The following ANK2 variants were observed in gnomAD, a reference collection of about 807,000 sequenced individuals.
ANK2 encodes ankyrin 2.
In ANK2, 83 loss-of-function variants were observed where a neutral mutation model predicts 360.5. The observed-to-expected ratio is 0.23, with a 90% CI of 0.19 to 0.28. ANK2 has a LOEUF of 0.28. ANK2 is among the 10% of genes least tolerant of loss of function. The pLI, the probability that ANK2 is intolerant of heterozygous loss-of-function variation, is 1.00. For missense variants in ANK2, 4,201 were observed against 4,795.7 expected, an observed-to-expected ratio of 0.88 and a Z score of 3.66; for synonymous variants, 1,740 against 1,759.5, an observed-to-expected ratio of 0.99 and a Z score of 0.28.
intron 1 of ANK2, chr4:112,880,888 G>C (rs538918215): frequency 6.6e-6 from 1 of 152,198 alleles, no homozygotes; most frequent in Admixed American, 6.5e-5. Flanking sequence ...GGATAATAGA[G>C]TCTCTTCCTA....
intron 2 of ANK2, among the ~76,000 whole-genome samples, chr4:113,043,814 A>G (rs2063569189): frequency 6.6e-6 from 1 of 152,200 alleles, no homozygotes; most frequent in Admixed American, 6.5e-5. Context: ...CAACAAAAGG[A>G]CACAAAGGAT....
chr4:113,155,751 G>A (rs1583268041), intron 1 of ANK2, among the ~76,000 whole-genome samples: 1 of 152,020 alleles, frequency 6.6e-6, no homozygotes, highest in Admixed American at 6.6e-5. Context: ...ATGACAAAAT[G>A]TTATCCTTCT....
chr4:113,092,062 A>C (rs188656443), intron 1 of ANK2, among the ~76,000 whole-genome samples: 152 of 152,002 alleles, frequency 1.0e-3, no homozygotes, highest in South Asian at 8.3e-4. Flanking sequence ...TTTCCTTATA[A>C]AACAAAATCA....
chr4:113,354,886 C>T lies in ANK2; in HGVS notation c.6268C>T (p.His2090Tyr). 1 of 1,614,028 alleles carries T rather than the reference C, an allele frequency of 6.2e-7. No individual in the cohort carries two copies. Among genetic ancestry groups the T allele is most frequent in the Non-Finnish European group, 8.5e-7 (1 of 1,179,978 alleles). ...TGGAGGAAAGGAGAAAGTTCTCAGC[C>T]ACAAAATACCTGAACCTGTTCAGTC... Reference protein sequence around the residue: ...AAGGKEKVLSHKIPEPVQSVP... With the variant: ...AAGGKEKVLSYKIPEPVQSVP... The change falls in exon 38 of 46, where the codon CAC (histidine) becomes TAC (tyrosine). Residue 2090 changes from histidine (H) to tyrosine (Y), a missense_variant. By Grantham distance (83) the His-to-Tyr change is moderately conservative. Transcript: ENST00000357077.
chr4:113,097,360 T>A (rs549293699), intron 1 of ANK2, among the ~76,000 whole-genome samples: 35 of 152,116 alleles, frequency 2.3e-4, no homozygotes, highest in African/African-American at 7.2e-4. Flanking sequence ...CTCAGCAACA[T>A]AATTCCTTTT....
chr4:113,241,447 C>T (rs2039846277), intron 8 of ANK2, among the ~76,000 whole-genome samples: 2 of 152,146 alleles, frequency 1.3e-5, no homozygotes, highest in Non-Finnish European at 2.9e-5. Flanking sequence ...AAGCAATCCT[C>T]CTGGCTCAGC....
the ANK2 span, among the ~76,000 whole-genome samples, chr4:112,807,250 C>G: frequency 6.6e-6 from 1 of 152,168 alleles, no homozygotes; most frequent in Middle Eastern, 3.2e-3. Flanking sequence ...ATCACGGTTG[C>G]TATTAAAATA....
intron 44 of ANK2, 25 bp from the exon 45 acceptor site, chr4:113,373,260 G>C (rs2154074189): frequency 6.2e-7 from 1 of 1,613,942 alleles, no homozygotes; most frequent in Non-Finnish European, 8.5e-7. Context: ...ACAAAAATAA[G>C]ATACACAAAT....
intron 2 of ANK2, among the ~76,000 whole-genome samples, chr4:112,909,174 C>A: frequency 6.6e-6 from 1 of 152,174 alleles, no homozygotes; most frequent in East Asian, 1.9e-4. Flanking sequence ...CTTTTGTATA[C>A]TTCAGTGGTG....
chr4:113,317,345 A>G, intron 24 of ANK2: 2 of 320,630 alleles, frequency 6.2e-6, no homozygotes. Context: ...TTAACATTTA[A>G]CACAGATTTA....
intron 1 of ANK2, among the ~76,000 whole-genome samples, chr4:113,053,693 A>C (rs911109283): frequency 6.6e-6 from 1 of 152,172 alleles, no homozygotes; most frequent in Non-Finnish European, 1.5e-5. Context: ...CACCTGGCTC[A>C]AGCGATCTTC....
intron 30 of ANK2, 108 bp downstream of exon 30, chr4:113,336,165 AAGGT>A: frequency 8.7e-7 from 1 of 1,155,694 alleles, no homozygotes; most frequent in East Asian, 2.5e-5. Context: ...ACCAAAAAGG[AAGGT>A]AGCATTAATG....
chr4:113,150,264 G>A (rs1437355659), intron 1 of ANK2, among the ~76,000 whole-genome samples: 1 of 152,090 alleles, frequency 6.6e-6, no homozygotes, highest in African/African-American at 2.4e-5. Context: ...GGATTTCCCA[G>A]CCTACTCCCA....
chr4:113,131,734 T>C (rs921701266), intron 1 of ANK2, among the ~76,000 whole-genome samples: 2 of 152,218 alleles, frequency 1.3e-5, no homozygotes, highest in Non-Finnish European at 2.9e-5. Context: ...CAGTATATTG[T>C]AACTGAGTTT....
intron 2 of ANK2, among the ~76,000 whole-genome samples, chr4:112,934,598 A>G (rs2093575145): frequency 6.6e-6 from 1 of 152,170 alleles, no homozygotes; most frequent in African/African-American, 2.4e-5. Flanking sequence ...TATTTATTGT[A>G]TTTGTTTCTT....
the ANK2 span, among the ~76,000 whole-genome samples, chr4:112,728,292 C>CAAA: frequency 0.018 from 730 of 40,246 alleles, 7 homozygotes; most frequent in Middle Eastern, 0.029. Context: ...GACTCTGTCT[C>CAAA]AAAAAAAAAA....
chr4:112,832,348 G>A (rs1165165230), intron 1 of ANK2, among the ~76,000 whole-genome samples: 3 of 152,158 alleles, frequency 2.0e-5, no homozygotes, highest in Admixed American at 6.5e-5. Flanking sequence ...CCACAGTACC[G>A]GGCCTGTAGG....
intron 5 of ANK2, 68 bp from the exon 6 acceptor site, chr4:113,236,919 A>G (rs1258036993): frequency 8.7e-6 from 13 of 1,495,136 alleles, no homozygotes; most frequent in Non-Finnish European, 1.0e-5. Flanking sequence ...TAGAGGCATC[A>G]TTGCTTAGAA....
intron 2 of ANK2, among the ~76,000 whole-genome samples, chr4:113,004,799 A>G (rs893605778): frequency 6.6e-6 from 1 of 152,222 alleles, no homozygotes; most frequent in Non-Finnish European, 1.5e-5. Flanking sequence ...CACATGAGTA[A>G]TGTGCTGTGC....
Sources: allele counts gnomAD v4.1 joint callset (sites outside exome capture counted in the v4.1 genomes callset), GRCh38; gene constraint gnomAD v4.1.1; transcripts MANE v1.5; gene names NCBI Gene and HGNC (gene_info 2026-07-23, HGNC 2026-07-21).